DPP6: variants seen among roughly 807,000 people sequenced by gnomAD.
DPP6 encodes dipeptidyl peptidase like 6, also known as A-type potassium channel modulatory protein DPP6.
DPP6 carries 69 observed loss-of-function variants against 122.6 expected under a neutral mutation model. The observed-to-expected ratio is 0.56, with a 90% confidence interval of 0.46 to 0.69. The LOEUF (loss-of-function observed/expected upper bound fraction) is 0.69, where lower values mean the gene tolerates loss of function less well. DPP6 is among the 30% of genes least tolerant of loss of function. The pLI is 0.00. For synonymous variants in DPP6, 418 were observed against 433.1 expected, an observed-to-expected ratio of 0.97 and a Z score of 0.43; for missense variants, 928 against 1,116.9, an observed-to-expected ratio of 0.83 and a Z score of 2.41.
At chr7:154,253,082 A>T (rs1161012544) in intron 1 of DPP6, among the ~76,000 whole-genome samples, 1 of 152,256 alleles carries the variant, frequency 6.6e-6, no homozygotes, top group Non-Finnish European at 1.5e-5. Context: ...ACGCATGTAT[A>T]TACAATTAAT....
chr7:154,849,650 AC>A, intron 16 of DPP6, among the ~76,000 whole-genome samples: 1 of 152,294 alleles, frequency 6.6e-6, no homozygotes, highest in Non-Finnish European at 1.5e-5. Context: ...TATTTGGATG[AC>A]TTTTATCTCA....
intron 3 of DPP6, among the ~76,000 whole-genome samples, chr7:154,500,196 TTGATCAG>T (rs150569623): frequency 0.09 from 13,748 of 152,060 alleles, 947 homozygotes; most frequent in East Asian, 0.39. Context: ...GAAAGCCACT[TTGATCAG>T]TGATCAGTTT....
intron 1 of DPP6, among the ~76,000 whole-genome samples, chr7:153,981,594 G>A (rs1441523390): frequency 1.3e-5 from 2 of 152,190 alleles, no homozygotes; most frequent in African/African-American, 2.4e-5. Context: ...TATGATGGTA[G>A]CTGGTTACTT....
chr7:154,486,120 C>G lies in DPP6; in HGVS notation c.457+11083C>G, dbSNP rs1262863159. 1.3e-5 allele frequency among the ~76,000 whole-genome samples: 2 copies of G among 151,514 alleles called. No homozygotes were observed. The highest frequency in any genetic ancestry group is 3.9e-4 in the East Asian group (2 of 5,172). On this transcript the variant is annotated intron_variant, in intron 3 of 25. Coordinates refer to ENST00000377770, the MANE Select transcript of DPP6 (RefSeq NM_130797.4). This position sits in a 1 kb window ranked among gnomAD's most constrained non-coding sequence, Gnocchi z 4.5. The stretch of plus-strand genomic sequence containing the variant: ...TTGCCTCCCCGGTCTCCTCACCACC[C>G]CTACTCATGGCCTCTATTTTGTTTT...
At chr7:153,869,276 T>G in the DPP6 span, among the ~76,000 whole-genome samples, 10 of 152,346 alleles carry the variant, frequency 6.6e-5, no homozygotes, top group Non-Finnish European at 1.3e-4. Context: ...ATTATTATTG[T>G]GTGGGAGTCT....
chr7:154,661,712 G>A (rs1289768756), intron 6 of DPP6, among the ~76,000 whole-genome samples: 2 of 144,694 alleles, frequency 1.4e-5, no homozygotes, highest in African/African-American at 5.3e-5. Flanking sequence ...AATCACCATG[G>A]CATATTGGCC....
chr7:153,794,535 G>A, the DPP6 span, among the ~76,000 whole-genome samples: 1,014 of 152,108 alleles, frequency 6.7e-3, 8 homozygotes, highest in African/African-American at 0.023. Flanking sequence ...GCTTACAGGC[G>A]GTAGGGACTT....
intron 1 of DPP6, among the ~76,000 whole-genome samples, chr7:154,443,838 G>A (rs773235519): frequency 3.8e-4 from 58 of 152,298 alleles, no homozygotes; most frequent in African/African-American, 9.1e-4. Flanking sequence ...ATGTGGTAAC[G>A]GAATAGGGAA....
At chr7:154,060,484 T>C (rs1466973961) in intron 1 of DPP6, among the ~76,000 whole-genome samples, 2 of 134,476 alleles carry the variant, frequency 1.5e-5, no homozygotes, top group East Asian at 2.2e-4. Flanking sequence ...ACCTCCATCG[T>C]TGATCCTAAG....
intron 1 of DPP6, among the ~76,000 whole-genome samples, chr7:154,186,198 A>T (rs1396343346): frequency 1.3e-5 from 2 of 151,870 alleles, no homozygotes; most frequent in African/African-American, 4.8e-5. Flanking sequence ...AGGACTGGGA[A>T]CATCTGATTA....
the DPP6 span, among the ~76,000 whole-genome samples, chr7:153,823,592 G>A: frequency 9.0e-6 from 1 of 111,646 alleles, no homozygotes; most frequent in African/African-American, 3.5e-5. Context: ...TCACAGTTTT[G>A]CCTTTTCCAG....
intron 1 of DPP6, among the ~76,000 whole-genome samples, chr7:154,356,758 C>T (rs761462534): frequency 3.9e-5 from 6 of 152,024 alleles, no homozygotes; most frequent in South Asian, 4.1e-4. Flanking sequence ...TGTTTCTGTA[C>T]TATGTCACAT....
At chr7:153,762,303 A>T in the DPP6 span, among the ~76,000 whole-genome samples, 1 of 152,168 alleles carries the variant, frequency 6.6e-6, no homozygotes, top group Non-Finnish European at 1.5e-5. Flanking sequence ...AAAGAGCAAC[A>T]TGATATGAAA....
At chr7:154,868,207 G>A (rs74989720) in intron 18 of DPP6, 114 bp downstream of exon 18, 9 of 1,351,922 alleles carry the variant, frequency 6.7e-6, no homozygotes, top group South Asian at 1.5e-5. Context: ...AAGCACGGGG[G>A]TGTATCTTTG....
At chr7:153,860,187 A>G in the DPP6 span, among the ~76,000 whole-genome samples, 100 of 152,272 alleles carry the variant, frequency 6.6e-4, no homozygotes, top group African/African-American at 2.3e-3. Flanking sequence ...AAAGTACACC[A>G]CTATTTCATT....
chr7:154,697,062 C>A (rs1840260025), intron 7 of DPP6, among the ~76,000 whole-genome samples: 1 of 152,160 alleles, frequency 6.6e-6, no homozygotes, highest in African/African-American at 2.4e-5. Context: ...ACATGTACTT[C>A]CAGAATGGTA....
At chr7:154,443,792 C>A (rs1819618043) in intron 1 of DPP6, among the ~76,000 whole-genome samples, 1 of 152,178 alleles carries the variant, frequency 6.6e-6, no homozygotes, top group Non-Finnish European at 1.5e-5. Flanking sequence ...TAATTGTGAA[C>A]ATGCTTTTCC....
At chr7:153,982,911 T>G (rs1796664103) in intron 1 of DPP6, among the ~76,000 whole-genome samples, 1 of 152,232 alleles carries the variant, frequency 6.6e-6, no homozygotes, top group African/African-American at 2.4e-5. Flanking sequence ...TGCTTCTTCT[T>G]CTGGAAGCTT....
chr7:154,644,928 C>T (rs1258929104), intron 6 of DPP6, among the ~76,000 whole-genome samples: 2 of 152,018 alleles, frequency 1.3e-5, no homozygotes, highest in Non-Finnish European at 2.9e-5. Context: ...TCAGGGTAGT[C>T]TCGAACTCCT....
Sources: gnomAD v4.1 joint callset for allele counts (sites outside exome capture counted in the v4.1 genomes callset) on GRCh38, gnomAD v4.1.1 for gene constraint, Gnocchi (gnomAD v3.1) non-coding constraint, MANE v1.5 for transcripts, NCBI Gene and HGNC (gene_info 2026-07-23, HGNC 2026-07-21) for gene names.